STPG2: variants seen among roughly 807,000 people sequenced by gnomAD.
STPG2 encodes the protein sperm tail PG-rich repeat containing 2.
A neutral mutation model predicts 54.2 loss-of-function variants in STPG2; 56 were observed. The observed-to-expected ratio is 1.03, with a 90% CI of 0.83 to 1.29. The LOEUF is 1.29. Ranked by LOEUF, STPG2 falls within the 50% of genes most tolerant of loss-of-function variation. STPG2 has a pLI of 0.00. For synonymous variants in STPG2, 200 were observed against 181.8 expected (o/e 1.10, Z -0.81); for missense variants, 596 against 544.9 (o/e 1.09, Z -0.93).
chr4:97,725,170 A>G (rs532307287), intron 9 of STPG2, among the ~76,000 whole-genome samples: 32 of 152,062 alleles, frequency 2.1e-4, no homozygotes, highest in Non-Finnish European at 3.4e-4. Context: ...TATTCATCCT[A>G]AAGTCCACTA....
At chr4:97,711,992 G>A (rs1724139221) in intron 10 of STPG2, among the ~76,000 whole-genome samples, 1 of 151,844 alleles carries the variant, frequency 6.6e-6, no homozygotes, top group African/African-American at 2.4e-5. Flanking sequence ...TTTTAAGTAA[G>A]GAGAAAAACA....
intron 5 of STPG2, among the ~76,000 whole-genome samples, chr4:98,004,347 CTGTG>C (rs1735508872): frequency 6.6e-6 from 1 of 151,892 alleles, no homozygotes; most frequent in South Asian, 2.1e-4. Context: ...TAATATTCCT[CTGTG>C]TGTGTATGTG....
chr4:97,863,570 A>G (rs1178771273), intron 8 of STPG2, among the ~76,000 whole-genome samples: 1 of 152,228 alleles, frequency 6.6e-6, no homozygotes, highest in Admixed American at 6.5e-5. Context: ...TCAATAGAAT[A>G]AGAGGGAATC....
At chr4:98,130,465 A>AC in intron 2 of STPG2, among the ~76,000 whole-genome samples, 1 of 152,240 alleles carries the variant, frequency 6.6e-6, no homozygotes, top group South Asian at 2.1e-4. Flanking sequence ...TTACAGGCAT[A>AC]AGCCACCACA....
chr4:97,455,040 GAAAC>G (rs1467374337), intron 4 of STPG2, among the ~76,000 whole-genome samples: 10 of 151,806 alleles, frequency 6.6e-5, no homozygotes, highest in East Asian at 1.9e-4. Flanking sequence ...GTGAAAAAAA[GAAAC>G]AAACAGATTG....
chr4:97,561,172 G>A (rs1365639685), intron 10 of STPG2, among the ~76,000 whole-genome samples: 1 of 151,982 alleles, frequency 6.6e-6, no homozygotes, highest in East Asian at 1.9e-4. Flanking sequence ...ATCTCATTGT[G>A]GTTTTGATTT....
At chr4:97,961,338 A>G (rs1323342551) in intron 7 of STPG2, among the ~76,000 whole-genome samples, 1 of 152,160 alleles carries the variant, frequency 6.6e-6, no homozygotes, top group Non-Finnish European at 1.5e-5. Context: ...CAAATGCAAT[A>G]AAAGCAAAGA....
At chr4:97,931,697 C>T (rs1181348645) in intron 8 of STPG2, among the ~76,000 whole-genome samples, 2 of 150,962 alleles carry the variant, frequency 1.3e-5, no homozygotes, top group African/African-American at 2.4e-5. Context: ...GTTTTTTTAT[C>T]TTTTTGTGTG....
At chr4:97,574,231 T>C (rs1440678228) in intron 10 of STPG2, among the ~76,000 whole-genome samples, 1 of 152,076 alleles carries the variant, frequency 6.6e-6, no homozygotes, top group East Asian at 1.9e-4. Context: ...AAAAAGTCAC[T>C]TCTAGAGAGC....
intron 8 of STPG2, among the ~76,000 whole-genome samples, chr4:97,891,394 A>G (rs1730765128): frequency 6.6e-6 from 1 of 152,106 alleles, no homozygotes; most frequent in African/African-American, 2.4e-5. Context: ...ACTTTGTGTA[A>G]CAGACATTTT....
chr4:97,834,875 A>G (rs954010631), intron 9 of STPG2, among the ~76,000 whole-genome samples: 65 of 152,044 alleles, frequency 4.3e-4, no homozygotes, highest in African/African-American at 1.6e-3. Flanking sequence ...GAGACCCAAT[A>G]GTTAGGCAGC....
rs572508989 is a variant in STPG2, at chr4:97,603,473, A to G, written c.1321-44356T>C. On this transcript the variant is annotated intron_variant, in intron 10 of 10. Coordinates refer to ENST00000295268, the MANE Select transcript of STPG2 (RefSeq NM_174952.3). ...AATTATACTTCTGGGTATATATCCA[A>G]AAGAATTGAAAGCAGGGTCTCAAAA... 4.1e-3 allele frequency among the ~76,000 whole-genome samples: 626 copies of G among 151,776 alleles called. 3 individuals are homozygous for G. The highest frequency in any genetic ancestry group is 0.02 in the South Asian group (98 of 4,832).
intron 8 of STPG2, among the ~76,000 whole-genome samples, chr4:97,861,036 A>G (rs1253639629): frequency 1.3e-5 from 2 of 152,230 alleles, no homozygotes; most frequent in Non-Finnish European, 2.9e-5. Flanking sequence ...AGCAAAGGAT[A>G]CAATCAACAA....
Position 97,891,679 on chromosome 4 carries a change from C to A in STPG2, c.1045-50747G>T, listed in dbSNP as rs116596177. Among the ~76,000 whole-genome samples the A allele has an allele frequency of 2.3e-3, 347 of 152,016 alleles. 1 individual carries two copies. Among genetic ancestry groups the A allele is most frequent in the African/African-American group, 7.8e-3 (324 of 41,506 alleles). ...ATTTTCCTACAAGTAGAAAAAAAATCTTAAAGAAAATATAGAAAAATAATG... is the reference window on the plus strand; with the variant it reads ...ATTTTCCTACAAGTAGAAAAAAAATATTAAAGAAAATATAGAAAAATAATG... On this transcript the variant is annotated intron_variant, in intron 8 of 10. Coordinates refer to ENST00000295268, the MANE Select transcript of STPG2 (RefSeq NM_174952.3).
At chr4:97,854,269 T>C (rs1049660047) in intron 8 of STPG2, among the ~76,000 whole-genome samples, 1 of 152,080 alleles carries the variant, frequency 6.6e-6, no homozygotes, top group East Asian at 1.9e-4. Context: ...TCAGCTTTTT[T>C]GCTGGCTATA....
intron 5 of STPG2, among the ~76,000 whole-genome samples, chr4:98,033,245 G>C (rs201820752): frequency 6.6e-6 from 1 of 151,986 alleles, no homozygotes; most frequent in South Asian, 2.1e-4. Flanking sequence ...GAATCAAATA[G>C]ATGCAATAAA....
At chr4:97,515,268 C>G (rs916544492) in intron 4 of STPG2, among the ~76,000 whole-genome samples, 2 of 152,004 alleles carry the variant, frequency 1.3e-5, no homozygotes, top group African/African-American at 4.8e-5. Context: ...AGTCATTTTT[C>G]CTTCTGGCTT....
chr4:97,688,020 G>A (rs1239831463), intron 10 of STPG2, among the ~76,000 whole-genome samples: 3 of 151,910 alleles, frequency 2.0e-5, no homozygotes, highest in Non-Finnish European at 2.9e-5. Context: ...AATATTTAGT[G>A]CTTCTGAGTT....
At chr4:97,816,815 TCTTC>T (rs977025743) in intron 9 of STPG2, among the ~76,000 whole-genome samples, 21 of 150,820 alleles carry the variant, frequency 1.4e-4, no homozygotes, top group East Asian at 3.9e-4. Flanking sequence ...TTTCTGACCC[TCTTC>T]CTTCCTTCCT....
Sources: allele counts gnomAD v4.1 joint callset (sites outside exome capture counted in the v4.1 genomes callset), GRCh38; gene constraint gnomAD v4.1.1; transcripts MANE v1.5; gene names NCBI Gene and HGNC (gene_info 2026-07-23, HGNC 2026-07-21).